The following CDC42BPA variants were observed in gnomAD, a reference collection of about 807,000 sequenced individuals.
The protein encoded by CDC42BPA is serine/threonine-protein kinase MRCK alpha.
Under a neutral mutation model 223.5 loss-of-function variants are expected in CDC42BPA, and 80 were observed. The observed-to-expected ratio is 0.36, with a 90% CI of 0.30 to 0.43. CDC42BPA has a LOEUF of 0.43. Among genes scored for constraint, CDC42BPA ranks in the 20% least tolerant of loss-of-function variants. The pLI, the probability that CDC42BPA is intolerant of heterozygous loss-of-function variation, is 1.00. For missense variants in CDC42BPA, 1,743 were observed against 2,099.9 expected (o/e 0.83, Z 3.32); for synonymous variants, 694 against 718.6 (o/e 0.97, Z 0.55).
At chr1:227,196,632 C>T (rs1670803566) in intron 4 of CDC42BPA, among the ~76,000 whole-genome samples, 2 of 152,102 alleles carry the variant, frequency 1.3e-5, no homozygotes, top group Admixed American at 6.5e-5. Context: ...AGCCACCGTG[C>T]CCGGCCCTAA....
intron 2 of CDC42BPA, among the ~76,000 whole-genome samples, chr1:227,253,708 G>A (rs1227779934): frequency 6.6e-6 from 1 of 151,928 alleles, no homozygotes; most frequent in Admixed American, 6.6e-5. Flanking sequence ...GAGAGGGGGA[G>A]AAAAAGGAAG....
intron 8 of CDC42BPA, among the ~76,000 whole-genome samples, chr1:227,144,993 C>T (rs931534177): frequency 2.6e-5 from 4 of 152,120 alleles, no homozygotes; most frequent in African/African-American, 9.7e-5. Context: ...CTGTCCCAGA[C>T]CAAGTCAGTA....
chr1:227,104,384 T>A (rs756273238), intron 14 of CDC42BPA, among the ~76,000 whole-genome samples: 13 of 152,180 alleles, frequency 8.5e-5, no homozygotes, highest in Non-Finnish European at 1.9e-4. Context: ...ATGCGGATAG[T>A]CTTCTTGAAT....
rs919307334 is a variant in CDC42BPA, at chr1:227,209,154, G to C, written c.354+3982C>G. ...GAGTTCACTCATGATTTGGCTCTCT[G>C]TTTGTCTGTTGTTGGTGTATAAGAA... On this transcript the variant is annotated intron_variant, in intron 3 of 36. Transcript: ENST00000366766. Among the ~76,000 whole-genome samples, 67 of 132,780 alleles carry C rather than the reference G, an allele frequency of 5.0e-4. 1 individual carries two copies. The highest frequency in any genetic ancestry group is 3.2e-5 in the Non-Finnish European group (2 of 61,968). The allele number at this position is 132,780 out of a possible 152,430, so 87.1% of individuals were successfully genotyped here.
intron 16 of CDC42BPA, among the ~76,000 whole-genome samples, chr1:227,082,425 G>T (rs1188716145): frequency 6.6e-6 from 1 of 151,890 alleles, no homozygotes; most frequent in East Asian, 1.9e-4. Context: ...AAGAATGCAG[G>T]TTGTCCTGGC....
chr1:227,218,666 A>G (rs974693374), intron 2 of CDC42BPA, among the ~76,000 whole-genome samples: 2 of 152,184 alleles, frequency 1.3e-5, no homozygotes, highest in African/African-American at 4.8e-5. Flanking sequence ...CAAGTACTGA[A>G]TAGTTATATA....
rs1462946114 is a variant in CDC42BPA, at chr1:227,221,556, C to G, written c.271-8337G>C. Among the ~76,000 whole-genome samples, 6 of 145,674 alleles carry G rather than the reference C, an allele frequency of 4.1e-5. No individual in the cohort carries two copies. The East Asian group carries it at 1.3e-3, about 31-fold the overall frequency. On this transcript the variant is annotated intron_variant, in intron 2 of 36. Transcript: ENST00000366766. ...CCACCCACCCTCCCTTCCCACTACC[C>G]CTGGCCTAGTTCAAGACCTCATTAT...
intron 9 of CDC42BPA, among the ~76,000 whole-genome samples, chr1:227,140,208 G>A (rs1252084353): frequency 6.6e-6 from 1 of 152,074 alleles, no homozygotes; most frequent in Non-Finnish European, 1.5e-5. Context: ...ACATTTGGTG[G>A]TGAACAAAAC....
chr1:227,283,673 C>T (rs756897112), intron 1 of CDC42BPA, among the ~76,000 whole-genome samples: 1 of 152,022 alleles, frequency 6.6e-6, no homozygotes, highest in Non-Finnish European at 1.5e-5. Context: ...GATACAATGC[C>T]CAGTATTTGG....
intron 1 of CDC42BPA, among the ~76,000 whole-genome samples, chr1:227,255,373 CG>C (rs919215831): frequency 6.6e-5 from 10 of 152,236 alleles, no homozygotes; most frequent in African/African-American, 2.2e-4. Flanking sequence ...TAACTAGCTT[CG>C]AAAACGGGTA....
At chr1:227,025,438 G>A (rs1455134066) in intron 31 of CDC42BPA, among the ~76,000 whole-genome samples, 3 of 151,970 alleles carry the variant, frequency 2.0e-5, no homozygotes, top group Admixed American at 1.3e-4. Flanking sequence ...TCTAAACCCT[G>A]TCCCCCAACT....
At chr1:227,186,558 C>T (rs906422937) in intron 5 of CDC42BPA, among the ~76,000 whole-genome samples, 11 of 152,002 alleles carry the variant, frequency 7.2e-5, no homozygotes, top group Non-Finnish European at 1.2e-4. Flanking sequence ...GCTGAGAAGC[C>T]CTGGTGTTCA....
At chr1:227,044,684 A>C (rs1255146758) in intron 23 of CDC42BPA, among the ~76,000 whole-genome samples, 1 of 152,168 alleles carries the variant, frequency 6.6e-6, no homozygotes, top group Non-Finnish European at 1.5e-5. Context: ...GTAGAGAAGG[A>C]TATGGCCCTT....
intron 8 of CDC42BPA, among the ~76,000 whole-genome samples, chr1:227,145,035 TTAAAC>T (rs1255244683): frequency 6.6e-6 from 1 of 152,290 alleles, no homozygotes; most frequent in South Asian, 2.1e-4. Flanking sequence ...ATATGTGACT[TTAAAC>T]TAAAGTTCAG....
chr1:227,283,788 A>G (rs966691642), intron 1 of CDC42BPA, among the ~76,000 whole-genome samples: 5 of 152,212 alleles, frequency 3.3e-5, no homozygotes. Context: ...ATGCTTTATT[A>G]GGCCAGGCAT....
chr1:227,118,212 T>A (rs1209424044), intron 12 of CDC42BPA, among the ~76,000 whole-genome samples: 1 of 152,162 alleles, frequency 6.6e-6, no homozygotes, highest in African/African-American at 2.4e-5. Flanking sequence ...AATCAGAATA[T>A]TTGCTAACTC....
In CDC42BPA at chr1:227,162,868, A is replaced by ATATGTGTGTGTGTG. The variant is rs1553371209; in HGVS notation, c.600-2233_600-2232insCACACACACACATA. 5.1e-3 allele frequency among the ~76,000 whole-genome samples: 756 copies of ATATGTGTGTGTGTG among 149,440 alleles called. 7 individuals are homozygous for ATATGTGTGTGTGTG. Among genetic ancestry groups the ATATGTGTGTGTGTG allele is most frequent in the African/African-American group, 0.018 (714 of 40,358 alleles). ...AAAAAATAAAATAAAATAAATATAT[A>ATATGTGTGTGTGTG]TGTGTGTGTGTGTGTGTGTTTCCAA... On this transcript the variant is annotated intron_variant, in intron 5 of 36. Transcript: ENST00000366766.
intron 1 of CDC42BPA, among the ~76,000 whole-genome samples, chr1:227,296,543 T>C (rs1156293305): frequency 6.6e-6 from 1 of 151,708 alleles, no homozygotes; most frequent in Non-Finnish European, 1.5e-5. Context: ...CCGCATCTAC[T>C]AAAAATACAA....
intron 23 of CDC42BPA, among the ~76,000 whole-genome samples, chr1:227,043,340 T>A (rs1372346535): frequency 6.7e-6 from 1 of 149,268 alleles, no homozygotes; most frequent in Non-Finnish European, 1.5e-5. Context: ...TTAAACCTGG[T>A]AGGCAGAGGC....
Sources: allele counts gnomAD v4.1 joint callset (sites outside exome capture counted in the v4.1 genomes callset), GRCh38; gene constraint gnomAD v4.1.1; transcripts MANE v1.5; gene names NCBI Gene and HGNC (gene_info 2026-07-23, HGNC 2026-07-21).